ACACA: variants seen among roughly 807,000 people sequenced by gnomAD.
The protein encoded by ACACA is acetyl-CoA carboxylase 1.
ACACA carries 103 observed loss-of-function variants against 296.1 expected under a neutral mutation model. That is an observed-to-expected ratio of 0.35 (90% CI 0.30 to 0.41). ACACA has a LOEUF of 0.41. Ranked by LOEUF, ACACA falls within the 10% of genes least tolerant of loss-of-function variation. The pLI, the probability that ACACA is intolerant of heterozygous loss-of-function variation, is 1.00. For synonymous variants in ACACA, 953 were observed against 1,038.6 expected, an observed-to-expected ratio of 0.92 and a Z score of 1.58; for missense variants, 1,554 against 2,989.7, an observed-to-expected ratio of 0.52 and a Z score of 11.20.
chr17:37,344,771 C>A (rs2048541000), intron 1 of ACACA, among the ~76,000 whole-genome samples: 1 of 151,976 alleles, frequency 6.6e-6, no homozygotes, highest in Non-Finnish European at 1.5e-5. Flanking sequence ...CATACGTTCC[C>A]CAAAATGTTC....
intron 52 of ACACA, among the ~76,000 whole-genome samples, chr17:37,108,640 C>T (rs1388054044): frequency 2.0e-5 from 3 of 152,108 alleles, no homozygotes; most frequent in Non-Finnish European, 2.9e-5. Context: ...TGCCTGCCTC[C>T]TCCTCCTAAA....
At chr17:37,395,374 G>A (rs1005235456) in intron 1 of ACACA, among the ~76,000 whole-genome samples, 3 of 150,172 alleles carry the variant, frequency 2.0e-5, no homozygotes, top group Non-Finnish European at 2.9e-5. Flanking sequence ...AGGTTGCGGT[G>A]AGCTGAGATC....
At chr17:37,388,536 A>G (rs1225425244) in intron 1 of ACACA, 5 of 1,053,392 alleles carry the variant, frequency 4.7e-6, no homozygotes, top group Non-Finnish European at 5.4e-6. Flanking sequence ...TGAATTGGAA[A>G]TTCTGCCTCT....
Position 37,243,374 on chromosome 17 carries a change from C to T in ACACA, c.2928G>A (p.Gln976=), listed in dbSNP as rs557466382. 1 of 1,614,066 alleles carries T rather than the reference C, an allele frequency of 6.2e-7. No homozygotes were observed. The highest frequency in any genetic ancestry group is 1.1e-5 in the South Asian group (1 of 91,086). Residue 976 remains glutamine, a synonymous_variant, in exon 22 of 56, where the codon CAG becomes CAA. Transcript: ENST00000616317. ...ITSVLCQFPS[Q]QIANILDSHA... ...TATAGTGTTATCCTATAAATACCTG[C>T]TGGCTGGGAAACTGACAGAGGACTG...
chr17:37,310,857 A>G (rs1299998676), intron 3 of ACACA, among the ~76,000 whole-genome samples: 1 of 151,976 alleles, frequency 6.6e-6, no homozygotes, highest in South Asian at 2.1e-4. Context: ...AAGGACCAGA[A>G]CCAAGCAATG....
intron 50 of ACACA, among the ~76,000 whole-genome samples, chr17:37,120,658 C>T (rs2074485248): frequency 6.6e-6 from 1 of 152,220 alleles, no homozygotes; most frequent in Non-Finnish European, 1.5e-5. Flanking sequence ...CAGTCTCTGG[C>T]TTAGCATGGC....
At chr17:37,150,711 C>T (rs957486984) in intron 44 of ACACA, among the ~76,000 whole-genome samples, 2 of 151,802 alleles carry the variant, frequency 1.3e-5, no homozygotes, top group African/African-American at 4.8e-5. Context: ...TATGATTGCA[C>T]CACTGTACTC....
intron 54 of ACACA, 61 bp downstream of exon 54, chr17:37,096,935 G>C (rs1172566636): frequency 6.2e-7 from 1 of 1,601,412 alleles, no homozygotes; most frequent in Admixed American, 1.7e-5. Flanking sequence ...GGCGAGACTT[G>C]CAGCCCTCAG....
chr17:37,362,281 G>T (rs925406289), intron 1 of ACACA, among the ~76,000 whole-genome samples: 5 of 152,128 alleles, frequency 3.3e-5, no homozygotes, highest in African/African-American at 1.2e-4. Flanking sequence ...CCAAATATAT[G>T]ACTTCCAGGG....
chr17:37,099,649 G>A (rs891389127), intron 52 of ACACA, among the ~76,000 whole-genome samples: 5 of 137,022 alleles, frequency 3.6e-5, no homozygotes, highest in African/African-American at 5.7e-5. Context: ...GGGCTGATGG[G>A]AGGAGGGCTG....
chr17:37,213,017 C>T (rs918582996), intron 29 of ACACA, among the ~76,000 whole-genome samples: 3 of 151,742 alleles, frequency 2.0e-5, no homozygotes, highest in Non-Finnish European at 4.4e-5. Context: ...ATACTCATCA[C>T]GCAAAAATAG....
intron 30 of ACACA, among the ~76,000 whole-genome samples, chr17:37,209,198 T>G (rs771872414): frequency 6.6e-6 from 1 of 152,106 alleles, no homozygotes; most frequent in Non-Finnish European, 1.5e-5. Context: ...ATCAAGCAAG[T>G]CTTACACATG....
chr17:37,162,501 G>T, intron 41 of ACACA: 1 of 289,304 alleles, frequency 3.5e-6, no homozygotes, highest in African/African-American at 2.2e-5. Flanking sequence ...TTGGGTCATG[G>T]GGTGGATCCC....
chr17:37,391,950 T>A (rs2050903003), intron 1 of ACACA: 2 of 550,092 alleles, frequency 3.6e-6, no homozygotes, highest in Non-Finnish European at 6.5e-6. Flanking sequence ...TCTAAATGGA[T>A]ACCTTTCCAT....
At chr17:37,381,848 C>G (rs11871270) in intron 1 of ACACA, among the ~76,000 whole-genome samples, 3 of 150,916 alleles carry the variant, frequency 2.0e-5, no homozygotes, top group Non-Finnish European at 4.4e-5. Context: ...AGGATGGTCT[C>G]GATCGCCTGA....
intron 45 of ACACA, chr17:37,140,921 A>T: frequency 3.1e-6 from 1 of 320,890 alleles, no homozygotes; most frequent in East Asian, 8.4e-5. Flanking sequence ...ACCAGCACAG[A>T]GCCACAGCCA....
At chr17:37,376,502 T>A (rs2050008287) in intron 1 of ACACA, among the ~76,000 whole-genome samples, 2 of 152,238 alleles carry the variant, frequency 1.3e-5, no homozygotes, top group Admixed American at 1.3e-4. Context: ...TTGCCTTTTT[T>A]AAGTTGGTAC....
chr17:37,359,252 G>A, intron 1 of ACACA: 9 of 655,908 alleles, frequency 1.4e-5, no homozygotes, highest in South Asian at 1.4e-4. Flanking sequence ...CTCCGACCCC[G>A]CTCCGGGCTG....
chr17:37,271,702 G>A (rs2082079526), intron 9 of ACACA, among the ~76,000 whole-genome samples: 1 of 151,868 alleles, frequency 6.6e-6, no homozygotes, highest in Admixed American at 6.6e-5. Flanking sequence ...GGGCGTAGTG[G>A]CTCGTGCCTG....
Sources: gnomAD v4.1 joint callset for allele counts (sites outside exome capture counted in the v4.1 genomes callset) on GRCh38, gnomAD v4.1.1 for gene constraint, MANE v1.5 for transcripts, NCBI Gene and HGNC (gene_info 2026-07-23, HGNC 2026-07-21) for gene names.